Variants in ITGA8 observed in about 807,000 individuals in gnomAD.
The protein encoded by ITGA8 is integrin subunit alpha 8, also known as integrin alpha-8.
In ITGA8, 91 loss-of-function variants were observed where a neutral mutation model predicts 142.3. The ratio of observed to expected loss-of-function variants is 0.64; its 90% CI spans 0.54 to 0.76. ITGA8 has a LOEUF of 0.76. ITGA8 is among the 30% of genes least tolerant of loss of function. ITGA8 has a pLI of 0.00. For missense variants in ITGA8, 1,406 were observed against 1,327.7 expected, an observed-to-expected ratio of 1.06 and a Z score of -0.92; for synonymous variants, 505 against 485.2, an observed-to-expected ratio of 1.04 and a Z score of -0.54.
At chr10:15,715,656 A>G (rs369174769) in intron 2 of ITGA8, among the ~76,000 whole-genome samples, 11 of 152,268 alleles carry the variant, frequency 7.2e-5, no homozygotes, top group African/African-American at 2.7e-4. Context: ...AGCGATCTGT[A>G]AATGGGATGC....
At chr10:15,530,420 C>T (rs1833264118) in intron 28 of ITGA8, among the ~76,000 whole-genome samples, 1 of 151,298 alleles carries the variant, frequency 6.6e-6, no homozygotes, top group Admixed American at 6.6e-5. Context: ...GTGGCAGGCA[C>T]CTGTAGTCCT....
intron 2 of ITGA8, among the ~76,000 whole-genome samples, chr10:15,694,749 G>T (rs1331974141): frequency 7.5e-6 from 1 of 132,920 alleles, no homozygotes; most frequent in African/African-American, 2.8e-5. Flanking sequence ...TTCAACCTAA[G>T]TCCAAGAATT....
intron 27 of ITGA8, among the ~76,000 whole-genome samples, chr10:15,543,846 G>A (rs2131553681): frequency 6.6e-6 from 1 of 152,234 alleles, no homozygotes; most frequent in African/African-American, 2.4e-5. Context: ...AGACTGTACT[G>A]GGATTAGGGT....
At position 15,516,498 on chromosome 10, in the gene ITGA8, T is replaced by C. The variant is rs1832962985; in HGVS notation, c.*660A>G. 6.6e-6 allele frequency: 1 copy of C among 152,224 alleles called. No individual in the cohort carries two copies. The highest frequency in any genetic ancestry group is 1.5e-5 in the Non-Finnish European group (1 of 68,034). 9.4% of individuals were successfully genotyped at this position (152,224 alleles called of 1,614,324 possible). On this transcript the variant is annotated 3_prime_UTR_variant, in exon 30 of 30. Coordinates refer to ENST00000378076, the MANE Select transcript of ITGA8 (RefSeq NM_003638.3). Reference sequence around the variant, plus strand: ...AAACTGAGTGAGTGATTTTGAAAACTAGCTAACCAAATCTTAATTTCCAAA... The same window carrying C: ...AAACTGAGTGAGTGATTTTGAAAACCAGCTAACCAAATCTTAATTTCCAAA...
chr10:15,656,302 A>G (rs1834183239), intron 10 of ITGA8, among the ~76,000 whole-genome samples: 1 of 152,146 alleles, frequency 6.6e-6, no homozygotes, highest in Admixed American at 6.5e-5. Context: ...AGTCAACAAA[A>G]GCTCCTAAAT....
chr10:15,540,453 C>T (rs1276088391), intron 27 of ITGA8, among the ~76,000 whole-genome samples: 1 of 152,152 alleles, frequency 6.6e-6, no homozygotes, highest in African/African-American at 2.4e-5. Flanking sequence ...CATGTTCTCT[C>T]CTCAGTTTGG....
At chr10:15,691,659 A>G (rs901615035) in intron 2 of ITGA8, among the ~76,000 whole-genome samples, 1 of 152,194 alleles carries the variant, frequency 6.6e-6, no homozygotes, top group African/African-American at 2.4e-5. Flanking sequence ...AGTCAGGCTC[A>G]TAGAAGCAAA....
intron 2 of ITGA8, among the ~76,000 whole-genome samples, chr10:15,710,024 T>C (rs1415347987): frequency 1.3e-5 from 2 of 152,230 alleles, no homozygotes; most frequent in African/African-American, 2.4e-5. Flanking sequence ...TGTTAATCTT[T>C]ACAGCACTTT....
chr10:15,669,861 C>G (rs936719308), intron 8 of ITGA8, among the ~76,000 whole-genome samples: 1 of 152,170 alleles, frequency 6.6e-6, no homozygotes, highest in Admixed American at 6.5e-5. Context: ...GCTGCCTGAT[C>G]GTTCCTCTGG....
intron 6 of ITGA8, among the ~76,000 whole-genome samples, chr10:15,673,950 G>A (rs1373051599): frequency 1.3e-5 from 2 of 148,710 alleles, no homozygotes; most frequent in Non-Finnish European, 2.9e-5. Context: ...GGACATCTAA[G>A]GCAAAAGTGT....
At chr10:15,561,052 C>G (rs1173960475) in intron 25 of ITGA8, among the ~76,000 whole-genome samples, 2 of 151,650 alleles carry the variant, frequency 1.3e-5, no homozygotes, top group African/African-American at 4.8e-5. Context: ...TCCTGCTGCA[C>G]CTGCTGAATT....
chr10:15,526,181 CT>C (rs67522720), intron 28 of ITGA8, among the ~76,000 whole-genome samples: 69 of 146,682 alleles, frequency 4.7e-4, no homozygotes, highest in East Asian at 1.6e-3. Context: ...TTATAAGATT[CT>C]TTTTTTTTTT....
intron 23 of ITGA8, among the ~76,000 whole-genome samples, chr10:15,576,146 C>T (rs1425858744): frequency 2.6e-5 from 4 of 151,962 alleles, no homozygotes; most frequent in African/African-American, 9.7e-5. Context: ...TTGTATATTC[C>T]TCCTTTCTAT....
intron 2 of ITGA8, among the ~76,000 whole-genome samples, chr10:15,712,763 C>T (rs956030207): frequency 1.3e-5 from 2 of 152,134 alleles, no homozygotes; most frequent in African/African-American, 4.8e-5. Flanking sequence ...AAGGAAAGTT[C>T]GAATGTGCAC....
chr10:15,520,178 A>C (rs536221414), intron 28 of ITGA8, among the ~76,000 whole-genome samples: 1 of 152,232 alleles, frequency 6.6e-6, no homozygotes, highest in East Asian at 1.9e-4. Flanking sequence ...TTGGGAGGCC[A>C]AGGTGGGTGG....
chr10:15,634,219 A>G (rs1366419256), intron 13 of ITGA8, among the ~76,000 whole-genome samples: 1 of 152,118 alleles, frequency 6.6e-6, no homozygotes, highest in East Asian at 1.9e-4. Flanking sequence ...TGCTGCTTAT[A>G]TTACAGTTCA....
At chr10:15,617,920 C>A (rs1833423919) in intron 13 of ITGA8, among the ~76,000 whole-genome samples, 1 of 152,174 alleles carries the variant, frequency 6.6e-6, no homozygotes, top group African/African-American at 2.4e-5. Context: ...GAAATCATGT[C>A]TTTTGCAGCA....
At chr10:15,518,983 C>T (rs1833009525) in intron 29 of ITGA8, among the ~76,000 whole-genome samples, 2 of 152,174 alleles carry the variant, frequency 1.3e-5, no homozygotes, top group Admixed American at 1.3e-4. Context: ...AATATTATCA[C>T]TCTAAGCATA....
intron 13 of ITGA8, among the ~76,000 whole-genome samples, chr10:15,634,127 C>A (rs1038816145): frequency 3.9e-5 from 6 of 152,196 alleles, no homozygotes; most frequent in Admixed American, 6.5e-5. Flanking sequence ...CCTTAGGAAA[C>A]TTTCTCTTAT....
Sources: gnomAD v4.1 joint callset for allele counts (sites outside exome capture counted in the v4.1 genomes callset) on GRCh38, gnomAD v4.1.1 for gene constraint, MANE v1.5 for transcripts, NCBI Gene and HGNC (gene_info 2026-07-23, HGNC 2026-07-21) for gene names.